The following EIPR1 variants were observed in gnomAD, a reference collection of about 807,000 sequenced individuals.
EIPR1 encodes EARP and GARP complex-interacting protein 1.
A neutral mutation model predicts 48.1 loss-of-function variants in EIPR1; 25 were observed. The ratio of observed to expected loss-of-function variants is 0.52; its 90% CI spans 0.38 to 0.73. EIPR1 has a LOEUF of 0.73. Among genes scored for constraint, EIPR1 ranks in the 30% least tolerant of loss-of-function variants. The pLI is 0.00. For missense variants in EIPR1, 415 were observed against 506.2 expected (o/e 0.82, Z 1.73); for synonymous variants, 204 against 201.9 (o/e 1.01, Z -0.09).
intron 4 of EIPR1, among the ~76,000 whole-genome samples, chr2:3,253,682 G>T (rs1249675895): frequency 6.6e-6 from 1 of 152,200 alleles, no homozygotes; most frequent in Admixed American, 6.5e-5. Context: ...GTTCTGGGGG[G>T]CACACTGGGT....
chr2:3,238,752 G>C (rs968107058), intron 4 of EIPR1, among the ~76,000 whole-genome samples: 1 of 152,242 alleles, frequency 6.6e-6, no homozygotes, highest in African/African-American at 2.4e-5. Flanking sequence ...AGTGTGAAGA[G>C]AAAGGAGCTT....
chr2:3,205,293 A>C lies in EIPR1; in HGVS notation c.517-8276T>G, dbSNP rs56890355. On this transcript the variant is annotated intron_variant, in intron 5 of 8. Coordinates refer to ENST00000382125, the MANE Select transcript of EIPR1 (RefSeq NM_003310.5). ...CTCGCCAATGACTAGTTTAGACATG[A>C]CTTGCCATTATGTCTGACAACTGGA... is the stretch of plus-strand genomic sequence containing the variant. Among the ~76,000 whole-genome samples the C allele has an allele frequency of 4.6e-3, 700 of 152,342 alleles. 6 individuals carry two copies. Among genetic ancestry groups the C allele is most frequent in the African/African-American group, 0.016 (674 of 41,576 alleles).
rs536258572 is a variant in EIPR1 at position 3,341,483 on chromosome 2, G to A, written c.127-3334C>T. On this transcript the variant is annotated intron_variant, in intron 2 of 8. Coordinates refer to ENST00000382125, the MANE Select transcript of EIPR1 (RefSeq NM_003310.5). Reference sequence around the variant, plus strand: ...TATGTGCGTGGGAGTGCGTGTGTGGGAGCATGGGTACGTGGTCTATGCATG... The same window carrying A: ...TATGTGCGTGGGAGTGCGTGTGTGGAAGCATGGGTACGTGGTCTATGCATG... 2.0e-5 allele frequency among the ~76,000 whole-genome samples: 3 copies of A among 152,206 alleles called. No homozygotes were observed. The East Asian group carries it at 5.8e-4, about 29-fold the overall frequency.
chr2:3,268,698 T>C (rs529511892), intron 3 of EIPR1, among the ~76,000 whole-genome samples: 33 of 152,284 alleles, frequency 2.2e-4, no homozygotes, highest in Middle Eastern at 6.8e-3. Context: ...AAGGGGCCTG[T>C]TGACCAGGAA....
chr2:3,317,680 G>T (rs1416589098), intron 3 of EIPR1, among the ~76,000 whole-genome samples: 1 of 152,200 alleles, frequency 6.6e-6, no homozygotes, highest in Non-Finnish European at 1.5e-5. Context: ...CCTAGACCCA[G>T]TGTGACTGTA....
intron 3 of EIPR1, among the ~76,000 whole-genome samples, chr2:3,270,694 T>A (rs1667678072): frequency 6.6e-6 from 1 of 152,260 alleles, no homozygotes; most frequent in Admixed American, 6.5e-5. Flanking sequence ...TAAAGAATAC[T>A]AACAATCACC....
At chr2:3,235,416 G>T (rs1046466401) in intron 4 of EIPR1, among the ~76,000 whole-genome samples, 1 of 142,944 alleles carries the variant, frequency 7.0e-6, no homozygotes, top group Non-Finnish European at 1.5e-5. Context: ...GTGTGCATGC[G>T]GGTGCGCACA....
chr2:3,305,582 C>T (rs1045812829), intron 3 of EIPR1, among the ~76,000 whole-genome samples: 86 of 152,358 alleles, frequency 5.6e-4, no homozygotes, highest in African/African-American at 1.9e-3. Context: ...CTGTCCTGTG[C>T]CCCCATTGAG....
intron 4 of EIPR1, among the ~76,000 whole-genome samples, chr2:3,224,120 A>AC (rs1665983647): frequency 6.6e-6 from 1 of 152,192 alleles, no homozygotes; most frequent in South Asian, 2.1e-4. Flanking sequence ...GTCTGGAGAC[A>AC]CCGCCTGCCT....
chr2:3,215,538 C>A (rs1158804185), intron 4 of EIPR1, among the ~76,000 whole-genome samples: 2 of 152,192 alleles, frequency 1.3e-5, no homozygotes, highest in African/African-American at 2.4e-5. Flanking sequence ...TGCGATAAAG[C>A]CATAAAGGGA....
chr2:3,217,900 C>T (rs560296491), intron 4 of EIPR1, among the ~76,000 whole-genome samples: 77 of 152,300 alleles, frequency 5.1e-4, no homozygotes, highest in African/African-American at 1.6e-3. Context: ...CACTCCCAGG[C>T]AGTAAAGGAG....
At chr2:3,295,436 C>A (rs1572407682) in intron 3 of EIPR1, among the ~76,000 whole-genome samples, 5 of 141,386 alleles carry the variant, frequency 3.5e-5, no homozygotes, top group East Asian at 2.3e-4. Flanking sequence ...TCTCTGCACA[C>A]ACACACCCTC....
intron 6 of EIPR1, among the ~76,000 whole-genome samples, chr2:3,195,816 T>C (rs1664783016): frequency 6.6e-6 from 1 of 152,194 alleles, no homozygotes; most frequent in Non-Finnish European, 1.5e-5. Flanking sequence ...CAGGACCCTC[T>C]GTGCTGCGCT....
Position 3,232,444 on chromosome 2 carries a change from T to A in EIPR1, c.417-18196A>T, listed in dbSNP as rs1666271944. Among the ~76,000 whole-genome samples, 3 of 152,240 alleles carry A rather than the reference T, an allele frequency of 2.0e-5. No individual in the cohort carries two copies. In the South Asian group the frequency reaches 6.2e-4, roughly 32 times the overall value. On this transcript the variant is annotated intron_variant, in intron 4 of 8. Coordinates refer to ENST00000382125, the MANE Select transcript of EIPR1 (RefSeq NM_003310.5). ...TTCTTCATGTAGGCATTTATTGCTA[T>A]TAAATTCCTTCTTAGACCTGCTTTT...
At chr2:3,257,230 C>G in intron 4 of EIPR1, 69 bp downstream of exon 4, 1 of 1,507,484 alleles carries the variant, frequency 6.6e-7, no homozygotes. Flanking sequence ...GCAAAGGAAT[C>G]TGCACAAGCT....
intron 5 of EIPR1, among the ~76,000 whole-genome samples, chr2:3,204,624 T>C (rs1206688035): frequency 3.3e-5 from 5 of 152,238 alleles, no homozygotes. Context: ...AATGCCAGAA[T>C]GTGAACAAAA....
At chr2:3,224,137 C>T (rs1290128280) in intron 4 of EIPR1, among the ~76,000 whole-genome samples, 3 of 152,198 alleles carry the variant, frequency 2.0e-5, no homozygotes, top group Non-Finnish European at 2.9e-5. Context: ...GCCTGATTCC[C>T]GCCTTACCGG....
chr2:3,268,685 CG>C (rs1667570948), intron 3 of EIPR1, among the ~76,000 whole-genome samples: 1 of 152,176 alleles, frequency 6.6e-6, no homozygotes. Flanking sequence ...GGACAGCGCG[CG>C]CAAGGGGCCT....
intron 3 of EIPR1, among the ~76,000 whole-genome samples, chr2:3,277,981 C>G (rs1031539156): frequency 1.3e-5 from 2 of 152,222 alleles, no homozygotes; most frequent in African/African-American, 4.8e-5. Flanking sequence ...GCTGCACCAG[C>G]ACTCCCATTT....
Sources: allele counts gnomAD v4.1 joint callset (sites outside exome capture counted in the v4.1 genomes callset), GRCh38; gene constraint gnomAD v4.1.1; transcripts MANE v1.5; gene names NCBI Gene and HGNC (gene_info 2026-07-23, HGNC 2026-07-21).